The following TPX2 variants were observed in gnomAD, a reference collection of about 807,000 sequenced individuals.
TPX2 encodes TPX2 microtubule nucleation factor.
A neutral mutation model predicts 93.6 loss-of-function variants in TPX2; 21 were observed. The ratio of observed to expected loss-of-function variants is 0.22; its 90% CI spans 0.16 to 0.32. TPX2 has a LOEUF of 0.32. TPX2 is among the 10% of genes least tolerant of loss of function. The pLI is 1.00. For missense variants in TPX2, 776 were observed against 871.1 expected, an observed-to-expected ratio of 0.89 and a Z score of 1.37; for synonymous variants, 281 against 298.3, an observed-to-expected ratio of 0.94 and a Z score of 0.60.
At chr20:31,788,035 C>T (rs373602755) in intron 12 of TPX2, among the ~76,000 whole-genome samples, 5 of 152,134 alleles carry the variant, frequency 3.3e-5, no homozygotes, top group African/African-American at 1.2e-4. Flanking sequence ...TTCTCCTTGG[C>T]TTACTGATTT....
chr20:31,770,954 A>AT (rs1402467367), intron 6 of TPX2, among the ~76,000 whole-genome samples: 11 of 124,486 alleles, frequency 8.8e-5, no homozygotes, highest in Non-Finnish European at 1.7e-4. Flanking sequence ...TGTTTCTTAG[A>AT]TTTTTTCTTT....
At chr20:31,751,743 A>AATT (rs1262815483) in intron 2 of TPX2, among the ~76,000 whole-genome samples, 11 of 152,188 alleles carry the variant, frequency 7.2e-5, no homozygotes, top group Admixed American at 7.2e-4. Flanking sequence ...TTTATACAAT[A>AATT]ATTATTATTA....
chr20:31,742,190 T>G (rs2061757127), intron 1 of TPX2, among the ~76,000 whole-genome samples: 1 of 151,190 alleles, frequency 6.6e-6, no homozygotes, highest in South Asian at 2.1e-4. Context: ...TTTTTTTTTT[T>G]TTTGAGACAG....
At chr20:31,796,446 T>C (rs1033350450) in intron 15 of TPX2, among the ~76,000 whole-genome samples, 26 of 152,262 alleles carry the variant, frequency 1.7e-4, no homozygotes, top group Non-Finnish European at 3.8e-4. Flanking sequence ...TTTTAAACAG[T>C]TGAATTGTTA....
chr20:31,766,795 C>A (rs953794951), intron 5 of TPX2, 113 bp downstream of exon 5: 119 of 450,792 alleles, frequency 2.6e-4, no homozygotes, highest in Middle Eastern at 7.5e-4. Context: ...CTTTATGTTA[C>A]TTTTTTTTTT....
chr20:31,796,867 A>G (rs1416202732), intron 15 of TPX2, among the ~76,000 whole-genome samples: 2 of 152,134 alleles, frequency 1.3e-5, no homozygotes, highest in Non-Finnish European at 2.9e-5. Flanking sequence ...TTAATTGACA[A>G]ATAATAGTTG....
At chr20:31,795,291 G>A (rs1343538440) in intron 15 of TPX2, among the ~76,000 whole-genome samples, 9 of 152,070 alleles carry the variant, frequency 5.9e-5, no homozygotes, top group Non-Finnish European at 8.8e-5. Context: ...GTGCCACCAC[G>A]CCCAGCTAAT....
chr20:31,768,563 G>A (rs530471803), intron 5 of TPX2, among the ~76,000 whole-genome samples: 6 of 152,044 alleles, frequency 3.9e-5, no homozygotes, highest in Admixed American at 2.0e-4. Flanking sequence ...TTCTTAAACA[G>A]GACACACACA....
At chr20:31,763,243 G>A (rs565846076) in intron 4 of TPX2, among the ~76,000 whole-genome samples, 1 of 152,064 alleles carries the variant, frequency 6.6e-6, no homozygotes, top group South Asian at 2.1e-4. Context: ...GCAGTGGTGC[G>A]ATCTTGGCTT....
chr20:31,750,500 C>T (rs1242976010), intron 2 of TPX2, among the ~76,000 whole-genome samples: 6 of 147,730 alleles, frequency 4.1e-5, no homozygotes, highest in South Asian at 2.2e-4. Flanking sequence ...ATTTATGAGA[C>T]GGAGTCTCAC....
chr20:31,795,579 G>A (rs1009867437), intron 15 of TPX2, among the ~76,000 whole-genome samples: 2 of 152,260 alleles, frequency 1.3e-5, no homozygotes, highest in Admixed American at 6.5e-5. Flanking sequence ...GTGATCACCC[G>A]GGGAATGTGG....
Position 31,772,731 on chromosome 20 carries a change from A to T in TPX2, c.608+1049A>T, listed in dbSNP as rs149941201. Among the ~76,000 whole-genome samples the T allele has an allele frequency of 7.7e-4, 117 of 152,136 alleles. 1 individual carries two copies. The highest frequency in any genetic ancestry group is 1.5e-3 in the Admixed American group (23 of 15,270). ...AAATTTTCACATTTATCCTTTTTTGATAGATTGTTAATATTCTATCAAAAT... is the reference window on the plus strand; with the variant it reads ...AAATTTTCACATTTATCCTTTTTTGTTAGATTGTTAATATTCTATCAAAAT... On this transcript the variant is annotated intron_variant, in intron 7 of 17. Transcript: ENST00000300403.
chr20:31,743,485 C>T (rs1046700291), intron 2 of TPX2, among the ~76,000 whole-genome samples: 5 of 151,894 alleles, frequency 3.3e-5, no homozygotes, highest in South Asian at 2.1e-4. Flanking sequence ...CAGGAGTTCG[C>T]GACCAGCCTG....
At chr20:31,759,948 T>G in intron 3 of TPX2, 109 bp from the exon 4 acceptor site, 35 of 1,431,822 alleles carry the variant, frequency 2.4e-5, no homozygotes, top group Non-Finnish European at 2.9e-5. Context: ...ACTTGCCACA[T>G]GAGTTGGAAG....
chr20:31,750,795 A>G (rs1451648597), intron 2 of TPX2, among the ~76,000 whole-genome samples: 1 of 152,242 alleles, frequency 6.6e-6, no homozygotes, highest in East Asian at 1.9e-4. Flanking sequence ...AAGAGATTAG[A>G]CAATCATTGC....
chr20:31,794,685 C>T (rs1192252683), intron 15 of TPX2, 137 bp downstream of exon 15: 1 of 1,136,136 alleles, frequency 8.8e-7, no homozygotes, highest in Admixed American at 2.6e-5. Flanking sequence ...GGGGTCAGCA[C>T]ATTATTTCTG....
At chr20:31,775,795 C>G (rs2061992552) in intron 7 of TPX2, 72 bp from the exon 8 acceptor site, 4 of 1,355,496 alleles carry the variant, frequency 3.0e-6, no homozygotes, top group Non-Finnish European at 3.8e-6. Context: ...TTATATAATG[C>G]CTGTAGATTC....
intron 1 of TPX2, 134 bp downstream of exon 1, chr20:31,739,755 AGAAACTGAGGAAGGAGGAAGGAGGAG>A (rs1461721647): frequency 2.0e-5 from 3 of 152,404 alleles, no homozygotes; most frequent in African/African-American, 7.2e-5. Flanking sequence ...CCCTCTTGAC[AGAAACTGAGGAAGGAGGAAGGAGGAG>A]GAAACTGAGG....
intron 11 of TPX2, among the ~76,000 whole-genome samples, chr20:31,782,893 C>CACAT (rs1365615105): frequency 4.6e-4 from 16 of 34,776 alleles, no homozygotes; most frequent in African/African-American, 1.3e-3. Flanking sequence ...CACACATACA[C>CACAT]ACACACACAC....
Sources: gnomAD v4.1 joint callset for allele counts (sites outside exome capture counted in the v4.1 genomes callset) on GRCh38, gnomAD v4.1.1 for gene constraint, MANE v1.5 for transcripts, NCBI Gene and HGNC (gene_info 2026-07-23, HGNC 2026-07-21) for gene names.